The following WDPCP variants were observed in gnomAD, a reference collection of about 807,000 sequenced individuals.
WDPCP encodes WD repeat containing planar cell polarity effector.
A neutral mutation model predicts 93.1 loss-of-function variants in WDPCP; 71 were observed. That is an observed-to-expected ratio of 0.76 (90% CI 0.63 to 0.93). The LOEUF (loss-of-function observed/expected upper bound fraction) is 0.93, where lower values mean the gene tolerates loss of function less well. WDPCP is among the 40% of genes least tolerant of loss of function. The pLI is 0.00. For missense variants in WDPCP, 844 were observed against 887.4 expected, an observed-to-expected ratio of 0.95 and a Z score of 0.62; for synonymous variants, 315 against 315.0, an observed-to-expected ratio of 1.00 and a Z score of 0.00.
chr2:63,211,281 G>C (rs1015609688), intron 14 of WDPCP, among the ~76,000 whole-genome samples: 3 of 152,304 alleles, frequency 2.0e-5, no homozygotes, highest in African/African-American at 7.2e-5. Context: ...GAAGGATCAG[G>C]CAGCAACATT....
At chr2:63,341,314 A>C (rs1426179309) in intron 12 of WDPCP, among the ~76,000 whole-genome samples, 3 of 152,152 alleles carry the variant, frequency 2.0e-5, no homozygotes, top group African/African-American at 7.2e-5. Flanking sequence ...TTTTTAGTAG[A>C]GACAGGGTTT....
chr2:63,716,172 C>G (rs1669334737), intron 2 of WDPCP, among the ~76,000 whole-genome samples: 1 of 152,216 alleles, frequency 6.6e-6, no homozygotes, highest in Non-Finnish European at 1.5e-5. Flanking sequence ...GGACAGTCCA[C>G]TTCTCTGACT....
intron 12 of WDPCP, among the ~76,000 whole-genome samples, chr2:63,330,077 T>C (rs1687865770): frequency 6.6e-6 from 1 of 152,216 alleles, no homozygotes; most frequent in Non-Finnish European, 1.5e-5. Context: ...TTCAAGATAC[T>C]GATTTCATTT....
chr2:63,564,993 A>G (rs980069162), intron 1 of WDPCP, among the ~76,000 whole-genome samples: 1 of 152,114 alleles, frequency 6.6e-6, no homozygotes, highest in Non-Finnish European at 1.5e-5. Context: ...TAGCCAGGAT[A>G]GTCTTGATCT....
chr2:63,827,172 G>A (rs1246471655), intron 1 of WDPCP, among the ~76,000 whole-genome samples: 1 of 151,816 alleles, frequency 6.6e-6, no homozygotes, highest in Non-Finnish European at 1.5e-5. Flanking sequence ...TGAGGCAAGA[G>A]TTTATTTTCT....
the WDPCP span, among the ~76,000 whole-genome samples, chr2:63,839,043 C>T: frequency 6.6e-6 from 1 of 152,096 alleles, no homozygotes; most frequent in African/African-American, 2.4e-5. Context: ...CAGATGTAGC[C>T]CCTGAAGATG....
In WDPCP at chr2:63,378,080, ATATT is replaced by A. The variant is rs1254480634; in HGVS notation, c.1748+302_1748+305del. 4 of 304,568 alleles carry A rather than the reference ATATT, an allele frequency of 1.3e-5. No homozygotes were observed. The East Asian group carries it at 2.9e-4, about 22-fold the overall frequency. 18.9% of individuals were successfully genotyped at this position (304,568 alleles called of 1,614,324 possible). On this transcript the variant is annotated intron_variant, in intron 12 of 17. Coordinates refer to ENST00000272321, the MANE Select transcript of WDPCP (RefSeq NM_015910.7). Reference sequence around the variant, plus strand: ...ATCATTAGCTTCAATTAAAAAGAAAATATTTACTTAGTGCGAGTAGCACAATTCA... The same window carrying A: ...ATCATTAGCTTCAATTAAAAAGAAAATACTTAGTGCGAGTAGCACAATTCA...
intron 14 of WDPCP, among the ~76,000 whole-genome samples, chr2:63,199,797 A>C (rs1037717623): frequency 6.6e-6 from 1 of 152,190 alleles, no homozygotes; most frequent in East Asian, 1.9e-4. Flanking sequence ...AGCTGTGAGA[A>C]GTGGGCCATC....
intron 2 of WDPCP, among the ~76,000 whole-genome samples, chr2:63,752,978 G>A (rs753442898): frequency 2.0e-5 from 3 of 151,982 alleles, no homozygotes; most frequent in Non-Finnish European, 4.4e-5. Context: ...ATAAGTATGA[G>A]CCCCCGCACC....
At chr2:63,725,076 G>GAC (rs1291772634) in intron 2 of WDPCP, among the ~76,000 whole-genome samples, 1 of 152,142 alleles carries the variant, frequency 6.6e-6, no homozygotes, top group Non-Finnish European at 1.5e-5. Context: ...GTTCAGAGGG[G>GAC]ACACGTGCAG....
intron 2 of WDPCP, among the ~76,000 whole-genome samples, chr2:63,764,079 TG>T (rs1670101256): frequency 2.0e-5 from 3 of 152,324 alleles, no homozygotes; most frequent in South Asian, 2.1e-4. Context: ...TATTTTGAAG[TG>T]TGCAATTCAG....
intron 2 of WDPCP, among the ~76,000 whole-genome samples, chr2:63,488,815 C>A (rs895070600): frequency 5.9e-5 from 9 of 151,936 alleles, no homozygotes; most frequent in Admixed American, 3.3e-4. Context: ...TAGAATAGAA[C>A]TATGAAGATC....
chr2:63,506,260 T>C (rs1379024769), intron 1 of WDPCP, among the ~76,000 whole-genome samples: 6 of 151,980 alleles, frequency 3.9e-5, no homozygotes, highest in African/African-American at 1.4e-4. Context: ...AATAGTAGAT[T>C]AGAAGCAAGG....
intron 3 of WDPCP, among the ~76,000 whole-genome samples, chr2:63,647,780 C>T (rs1033577957): frequency 7.2e-5 from 11 of 151,952 alleles, no homozygotes; most frequent in African/African-American, 2.7e-4. Context: ...ACAAGACCCT[C>T]TCTGTATTAT....
At chr2:63,152,317 C>G (rs1267194015) in intron 17 of WDPCP, among the ~76,000 whole-genome samples, 3 of 151,140 alleles carry the variant, frequency 2.0e-5, no homozygotes, top group African/African-American at 4.9e-5. Flanking sequence ...CTCTGTCACC[C>G]AGGCTGGAGT....
intron 1 of WDPCP, among the ~76,000 whole-genome samples, chr2:63,527,905 C>T (rs530641032): frequency 1.1e-4 from 16 of 151,944 alleles, no homozygotes; most frequent in African/African-American, 3.4e-4. Context: ...TTTTATTGAT[C>T]GCCATTCTAA....
intron 15 of WDPCP, among the ~76,000 whole-genome samples, chr2:63,169,567 A>C (rs1673231087): frequency 6.6e-6 from 1 of 152,230 alleles, no homozygotes; most frequent in African/African-American, 2.4e-5. Context: ...GCCTTCTGGT[A>C]AAAAGATCAA....
At chr2:63,451,392 A>T (rs182691310) in intron 6 of WDPCP, among the ~76,000 whole-genome samples, 6 of 152,326 alleles carry the variant, frequency 3.9e-5, no homozygotes, top group African/African-American at 9.6e-5. Context: ...AGACTAAACC[A>T]GGAAGAAGTT....
Position 63,557,865 on chromosome 2 carries a change from T to C in WDPCP, c.75+30332A>G, listed in dbSNP as rs548308582. ...ACTCACTCAAAACCATACAACTACA[T>C]GGAAATTGAACAACCTCCTCCTGAA... On this transcript the variant is annotated intron_variant, in intron 1 of 17. Coordinates refer to ENST00000272321, the MANE Select transcript of WDPCP (RefSeq NM_015910.7). 3.4e-4 allele frequency among the ~76,000 whole-genome samples: 51 copies of C among 152,126 alleles called. 1 individual carries two copies. The South Asian group carries it at 7.3e-3, about 22-fold the overall frequency.
Sources: allele counts gnomAD v4.1 joint callset (sites outside exome capture counted in the v4.1 genomes callset), GRCh38; gene constraint gnomAD v4.1.1; transcripts MANE v1.5; gene names NCBI Gene and HGNC (gene_info 2026-07-23, HGNC 2026-07-21).